The following SYNE2 variants were observed in gnomAD, a reference collection of about 807,000 sequenced individuals.
SYNE2 encodes spectrin repeat containing nuclear envelope protein 2.
A neutral mutation model predicts 856.3 loss-of-function variants in SYNE2; 431 were observed. The ratio of observed to expected loss-of-function variants is 0.50; its 90% confidence interval spans 0.47 to 0.55. SYNE2 has a LOEUF of 0.55. SYNE2 is among the 20% of genes least tolerant of loss of function. SYNE2 has a pLI of 0.00. For synonymous variants in SYNE2, 2,923 were observed against 2,872.3 expected, an observed-to-expected ratio of 1.02 and a Z score of -0.56; for missense variants, 8,129 against 8,023.2, an observed-to-expected ratio of 1.01 and a Z score of -0.50.
intron 84 of SYNE2, among the ~76,000 whole-genome samples, chr14:64,146,628 C>T (rs936247817): frequency 6.6e-6 from 1 of 152,196 alleles, no homozygotes; most frequent in Non-Finnish European, 1.5e-5. Context: ...TGATTTTCTT[C>T]TACCTATTGT....
chr14:63,913,215 G>A (rs1315471598), intron 2 of SYNE2, among the ~76,000 whole-genome samples: 8 of 152,030 alleles, frequency 5.3e-5, no homozygotes, highest in African/African-American at 1.4e-4. Context: ...GATTACAGGC[G>A]TAAGCCACCA....
intron 108 of SYNE2, among the ~76,000 whole-genome samples, chr14:64,217,780 TACAG>T (rs1319581361): frequency 6.6e-6 from 1 of 152,076 alleles, no homozygotes; most frequent in African/African-American, 2.4e-5. Flanking sequence ...AAATAGGCCA[TACAG>T]ACAGAAGAAA....
chr14:64,014,930 TA>T (rs2096876634), intron 32 of SYNE2, among the ~76,000 whole-genome samples: 5 of 1,154 alleles, frequency 4.3e-3, no homozygotes, highest in South Asian at 0.038. Flanking sequence ...TATAATTCCT[TA>T]TATATATATA....
intron 81 of SYNE2, among the ~76,000 whole-genome samples, 187 bp downstream of exon 81, chr14:64,141,710 A>T (rs1156707060): frequency 6.6e-6 from 1 of 152,132 alleles, no homozygotes; most frequent in African/African-American, 2.4e-5. Context: ...AATCAGGCTT[A>T]ATTACTTTAT....
At chr14:64,218,123 A>G in intron 108 of SYNE2, 1 of 407,086 alleles carries the variant, frequency 2.5e-6, no homozygotes, top group African/African-American at 2.0e-5. Flanking sequence ...GGTGTTTGGA[A>G]GCATGCCAAT....
intron 1 of SYNE2, among the ~76,000 whole-genome samples, chr14:63,797,267 C>T (rs1887954157): frequency 3.4e-5 from 5 of 146,390 alleles, no homozygotes; most frequent in Admixed American, 3.4e-4. Flanking sequence ...GGCGTGTGCC[C>T]GTAAAGCCAG....
In SYNE2 at chr14:64,216,368, C is replaced by T; in HGVS notation, c.19523C>T (p.Thr6508Ile). The T allele has an allele frequency of 1.9e-6, 3 of 1,614,234 alleles. No homozygotes were observed. Among genetic ancestry groups the T allele is most frequent in the Non-Finnish European group, 2.5e-6 (3 of 1,180,058 alleles). Reference protein sequence around the residue: ...NVPPVPPASSTPYKPPYGKLL... With the variant: ...NVPPVPPASSIPYKPPYGKLL... ...CCACCTGTTCCCCCTGCGTCCAGCA[C>T]CCCTTATAAACCACCCTATGTAAGT... The change falls in exon 108 of 116, where the codon ACC (threonine) becomes ATC (isoleucine). Residue 6508 changes from threonine to isoleucine, a missense_variant. Coordinates refer to ENST00000555002, the MANE Select transcript of SYNE2 (RefSeq NM_182914.3).
intron 61 of SYNE2, among the ~76,000 whole-genome samples, chr14:64,094,817 A>G (rs540338131): frequency 6.8e-4 from 103 of 152,338 alleles, no homozygotes; most frequent in Admixed American, 1.9e-3. Flanking sequence ...GAAATGTAAA[A>G]ACATTCATTT....
rs1303157245 is a variant in SYNE2, at chr14:63,843,883, AT to A, written c.-304-8614del. Among the ~76,000 whole-genome samples, 7 of 152,256 alleles carry A rather than the reference AT, an allele frequency of 4.6e-5. No individual in the cohort carries two copies. The South Asian group carries it at 1.0e-3, about 23-fold the overall frequency. On this transcript the variant is annotated intron_variant, in intron 1 of 23. Coordinates refer to the SYNE2 transcript ENST00000674003. The stretch of plus-strand genomic sequence containing the variant: ...TGTCGACAATTTATGTTTTTAAGCA[AT>A]TTTAGATTTACAGCAAAATTGAGTG...
intron 1 of SYNE2, among the ~76,000 whole-genome samples, chr14:63,906,973 G>T (rs1335125206): frequency 6.6e-6 from 1 of 152,094 alleles, no homozygotes; most frequent in African/African-American, 2.4e-5. Flanking sequence ...TTTATAAGGG[G>T]ACTAATCCCA....
At position 64,070,721 on chromosome 14, in the gene SYNE2, C is replaced by T. The variant is rs1567208804; in HGVS notation, c.10508C>T (p.Thr3503Ile). Residue 3503 changes from threonine (T) to isoleucine (I), a missense_variant, in exon 52 of 116, where the codon ACC (threonine) becomes ATC (isoleucine). Thr to Ile is a moderately conservative substitution (Grantham distance 89). Transcript: ENST00000555002. ...PEISKTKEAA[T>I]TEELSELLDC... ...ATTTCCAAAACAAAAGAGGCAGCCACCACAGAGGAACTCTCTGAGCTGCTA... is the reference window on the plus strand; with the variant it reads ...ATTTCCAAAACAAAAGAGGCAGCCATCACAGAGGAACTCTCTGAGCTGCTA... 3.1e-6 allele frequency: 5 copies of T among 1,614,104 alleles called. No homozygotes were observed. In the South Asian group the frequency reaches 4.4e-5, roughly 14 times the overall value.
chr14:64,209,145 G>A, intron 101 of SYNE2, 200 bp downstream of exon 101: 2 of 869,720 alleles, frequency 2.3e-6, no homozygotes, highest in Non-Finnish European at 1.8e-6. Flanking sequence ...TGTCCTGTGT[G>A]GGGTGTGGCT....
chr14:64,157,260 C>G (rs1222305824), intron 85 of SYNE2, among the ~76,000 whole-genome samples: 1 of 152,202 alleles, frequency 6.6e-6, no homozygotes, highest in African/African-American at 2.4e-5. Flanking sequence ...CACTTTTCCC[C>G]TTCTCCAGTC....
At chr14:64,057,137 T>A (rs1232662113) in intron 49 of SYNE2, among the ~76,000 whole-genome samples, 1 of 152,202 alleles carries the variant, frequency 6.6e-6, no homozygotes, top group Non-Finnish European at 1.5e-5. Flanking sequence ...ACAATCCAAC[T>A]GTACTCTTAG....
chr14:63,845,892 C>T (rs1890211833), intron 1 of SYNE2, among the ~76,000 whole-genome samples: 1 of 151,778 alleles, frequency 6.6e-6, no homozygotes, highest in Admixed American at 6.6e-5. Flanking sequence ...AGGCATGCAC[C>T]ACCATGCCCA....
intron 68 of SYNE2, among the ~76,000 whole-genome samples, chr14:64,121,808 G>A (rs75429384): frequency 1.0e-3 from 158 of 152,212 alleles, no homozygotes; most frequent in African/African-American, 3.5e-3. Flanking sequence ...CCATGTATGC[G>A]GTTTAAATAA....
At chr14:63,870,874 A>G (rs1057352280) in intron 1 of SYNE2, among the ~76,000 whole-genome samples, 1 of 152,194 alleles carries the variant, frequency 6.6e-6, no homozygotes, top group Non-Finnish European at 1.5e-5. Context: ...CTATCAGCAC[A>G]TGGAGGTCCT....
intron 78 of SYNE2, among the ~76,000 whole-genome samples, chr14:64,135,844 G>C (rs971645641): frequency 9.2e-5 from 14 of 152,212 alleles, no homozygotes; most frequent in Non-Finnish European, 2.1e-4. Flanking sequence ...AAAGGTTTGT[G>C]TGAGTCTGAC....
chr14:64,078,671 A>T, intron 55 of SYNE2, 65 bp downstream of exon 55: 1 of 1,580,492 alleles, frequency 6.3e-7, no homozygotes, highest in South Asian at 1.1e-5. Context: ...CTTGTTCATC[A>T]GTCACCACAG....
Sources: allele counts gnomAD v4.1 joint callset (sites outside exome capture counted in the v4.1 genomes callset), GRCh38; gene constraint gnomAD v4.1.1; transcripts MANE v1.5; gene names NCBI Gene and HGNC (gene_info 2026-07-23, HGNC 2026-07-21).